Variants in MTUS2 observed in about 807,000 individuals in gnomAD.
MTUS2 encodes microtubule-associated tumor suppressor candidate 2.
Under a neutral mutation model 114.1 loss-of-function variants are expected in MTUS2, and 40 were observed. The observed-to-expected ratio is 0.35, with a 90% CI of 0.27 to 0.46. MTUS2 has a LOEUF of 0.46. Ranked by LOEUF, MTUS2 falls within the 20% of genes least tolerant of loss-of-function variation. The probability of loss-of-function intolerance (pLI) is 1.00; values close to 1 mark genes in which losing one functional copy is unlikely to be tolerated. For missense variants in MTUS2, 1,679 were observed against 1,705.4 expected, an observed-to-expected ratio of 0.98 and a Z score of 0.27; for synonymous variants, 688 against 672.0, an observed-to-expected ratio of 1.02 and a Z score of -0.37.
intron 6 of MTUS2, among the ~76,000 whole-genome samples, chr13:29,283,725 C>G (rs929541760): frequency 6.6e-6 from 1 of 152,092 alleles, no homozygotes; most frequent in Non-Finnish European, 1.5e-5. Flanking sequence ...AGGGATTACA[C>G]TTTGTGAGCC....
chr13:28,931,806 T>C (rs956621521), intron 2 of MTUS2, among the ~76,000 whole-genome samples: 8 of 152,088 alleles, frequency 5.3e-5, no homozygotes, highest in African/African-American at 1.9e-4. Context: ...ATTAGGTATA[T>C]CTCCTAATGC....
intron 6 of MTUS2, chr13:29,307,457 A>G: frequency 7.5e-7 from 1 of 1,330,468 alleles, no homozygotes; most frequent in Non-Finnish European, 1.1e-6. Flanking sequence ...CTGAATGGGA[A>G]GCTCACTGGC....
intron 2 of MTUS2, among the ~76,000 whole-genome samples, chr13:28,865,244 C>T (rs938335481): frequency 1.3e-5 from 2 of 152,138 alleles, no homozygotes; most frequent in Non-Finnish European, 2.9e-5. Flanking sequence ...GATTCTGTGT[C>T]TCTAATAAGC....
intron 5 of MTUS2, chr13:29,239,321 GA>G (rs1457411057): frequency 6.6e-6 from 1 of 152,092 alleles, no homozygotes; most frequent in East Asian, 1.9e-4. Context: ...ATTTTATTTA[GA>G]ATTTGTACAT....
chr13:29,045,692 TTGATGA>T (rs751406289), intron 4 of MTUS2, among the ~76,000 whole-genome samples: 2 of 152,200 alleles, frequency 1.3e-5, no homozygotes, highest in African/African-American at 2.4e-5. Context: ...TCATTTCTTT[TTGATGA>T]TGATGCTTCT....
chr13:29,070,772 T>C (rs1888883560), intron 4 of MTUS2, among the ~76,000 whole-genome samples: 1 of 152,198 alleles, frequency 6.6e-6, no homozygotes, highest in African/African-American at 2.4e-5. Flanking sequence ...CTGTTTTCTC[T>C]TTCTTTCTGG....
At chr13:29,288,808 C>T (rs1182219305) in intron 6 of MTUS2, among the ~76,000 whole-genome samples, 2 of 152,180 alleles carry the variant, frequency 1.3e-5, no homozygotes, top group Non-Finnish European at 1.5e-5. Flanking sequence ...AATGTGAGAA[C>T]AGCAGGGCAC....
chr13:28,937,370 A>G (rs1881962408), intron 2 of MTUS2, among the ~76,000 whole-genome samples: 3 of 152,208 alleles, frequency 2.0e-5, no homozygotes, highest in South Asian at 4.1e-4. Context: ...ACCAATCAGC[A>G]GGACATGGGC....
chr13:28,828,024 TTAA>T (rs1368453061), intron 1 of MTUS2, among the ~76,000 whole-genome samples: 1 of 152,306 alleles, frequency 6.6e-6, no homozygotes, highest in Non-Finnish European at 1.5e-5. Flanking sequence ...TTTCCTCGTC[TTAA>T]TAAGCCTGGG....
At chr13:29,072,427 C>T (rs994254574) in intron 4 of MTUS2, among the ~76,000 whole-genome samples, 1 of 152,074 alleles carries the variant, frequency 6.6e-6, no homozygotes, top group South Asian at 2.1e-4. Flanking sequence ...TGTTGTTGAC[C>T]AGCATCTCTG....
intron 2 of MTUS2, among the ~76,000 whole-genome samples, chr13:28,948,169 C>A (rs59931649): frequency 6.6e-6 from 1 of 152,140 alleles, no homozygotes; most frequent in Non-Finnish European, 1.5e-5. Context: ...AATCTAAACT[C>A]ATTTAGGGTA....
intron 4 of MTUS2, among the ~76,000 whole-genome samples, chr13:29,065,856 T>C (rs1888640650): frequency 6.6e-6 from 1 of 152,200 alleles, no homozygotes; most frequent in Non-Finnish European, 1.5e-5. Flanking sequence ...TTAAAAGTAC[T>C]GAATGAAAGC....
At chr13:29,209,944 C>G (rs1375874109) in intron 5 of MTUS2, among the ~76,000 whole-genome samples, 1 of 152,096 alleles carries the variant, frequency 6.6e-6, no homozygotes, top group African/African-American at 2.4e-5. Flanking sequence ...CGCGGGTGTT[C>G]TTTGAGGTTC....
At chr13:29,141,361 C>T (rs1442624621) in intron 5 of MTUS2, among the ~76,000 whole-genome samples, 1 of 152,106 alleles carries the variant, frequency 6.6e-6, no homozygotes, top group East Asian at 1.9e-4. Flanking sequence ...TGAAGGTAAG[C>T]CTTAACAGAT....
chr13:28,938,253 G>A (rs1000771123), intron 2 of MTUS2, among the ~76,000 whole-genome samples: 3 of 151,828 alleles, frequency 2.0e-5, no homozygotes, highest in African/African-American at 7.3e-5. Flanking sequence ...ATGGTGTCGC[G>A]TGCCTGTAGT....
intron 9 of MTUS2, among the ~76,000 whole-genome samples, chr13:29,474,920 C>T (rs1880584218): frequency 6.6e-6 from 1 of 152,106 alleles, no homozygotes; most frequent in Non-Finnish European, 1.5e-5. Context: ...AACTTATTGC[C>T]TTGATCTTCT....
rs113326107 is a variant in MTUS2 at position 29,020,675 on chromosome 13, C to T, written c.-242-3782C>T. ...TTTTGTTTTTCTATTCTTGTTCTTACAATAGTTTGTTTTCCTTTTGTTCTT... is the reference window on the plus strand; with the variant it reads ...TTTTGTTTTTCTATTCTTGTTCTTATAATAGTTTGTTTTCCTTTTGTTCTT... On this transcript the variant is annotated intron_variant, in intron 2 of 15. Transcript: ENST00000612955. Among the ~76,000 whole-genome samples, 308 of 152,080 alleles carry T rather than the reference C, an allele frequency of 2.0e-3. 1 individual carries two copies. Among genetic ancestry groups the T allele is most frequent in the African/African-American group, 7.1e-3 (296 of 41,516 alleles).
chr13:29,380,230 G>T (rs187421088), intron 8 of MTUS2, among the ~76,000 whole-genome samples: 1 of 152,286 alleles, frequency 6.6e-6, no homozygotes, highest in Admixed American at 6.5e-5. Flanking sequence ...TCCATGGCAG[G>T]CAGGTAGAGA....
intron 2 of MTUS2, among the ~76,000 whole-genome samples, chr13:28,840,608 C>G (rs900878883): frequency 1.3e-5 from 2 of 152,128 alleles, no homozygotes; most frequent in Non-Finnish European, 2.9e-5. Context: ...AACTTTTAAA[C>G]GAGTAGAGAG....
Sources: gnomAD v4.1 joint callset for allele counts (sites outside exome capture counted in the v4.1 genomes callset) on GRCh38, gnomAD v4.1.1 for gene constraint, MANE v1.5 for transcripts, NCBI Gene and HGNC (gene_info 2026-07-23, HGNC 2026-07-21) for gene names.